Variants in ANKRD30BL observed in about 807,000 individuals in gnomAD.
ANKRD30BL encodes the protein putative ankyrin repeat domain-containing protein 30B-like.
Under a neutral mutation model 18.4 loss-of-function variants are expected in ANKRD30BL, and 20 were observed. The observed-to-expected ratio is 1.09, with a 90% CI of 0.77 to 1.58. The LOEUF (loss-of-function observed/expected upper bound fraction) is 1.58. ANKRD30BL is among the 40% of genes most tolerant of loss of function. The pLI is 0.00. For synonymous variants in ANKRD30BL, 72 were observed against 100.9 expected, an observed-to-expected ratio of 0.71 and a Z score of 1.72; for missense variants, 224 against 268.6, an observed-to-expected ratio of 0.83 and a Z score of 1.16.
At chr2:132,250,650 A>G (rs945965596) in intron 1 of ANKRD30BL, among the ~76,000 whole-genome samples, 2 of 152,216 alleles carry the variant, frequency 1.3e-5, no homozygotes, top group Admixed American at 1.3e-4. Context: ...GAAACAAAAC[A>G]CAGCTAAGGT....
At chr2:132,245,763 G>T (rs796570186) in intron 1 of ANKRD30BL, among the ~76,000 whole-genome samples, 1 of 20,618 alleles carries the variant, frequency 4.9e-5, no homozygotes, top group Non-Finnish European at 1.1e-4. Context: ...TAGCTTTGAA[G>T]ATTTCGTTGG....
chr2:132,214,583 G>T (rs1354887719), intron 1 of ANKRD30BL, among the ~76,000 whole-genome samples: 1 of 151,878 alleles, frequency 6.6e-6, no homozygotes, highest in Non-Finnish European at 1.5e-5. Flanking sequence ...CCTTCCTTTT[G>T]ATTAAGCATT....
intron 1 of ANKRD30BL, among the ~76,000 whole-genome samples, chr2:132,214,039 C>T (rs553362923): frequency 2.6e-5 from 4 of 152,190 alleles, no homozygotes; most frequent in African/African-American, 7.2e-5. Flanking sequence ...GTGATGTGTG[C>T]ATTCATCTCA....
intron 1 of ANKRD30BL, among the ~76,000 whole-genome samples, chr2:132,227,674 G>C (rs62166103): frequency 0.059 from 9,014 of 152,102 alleles, 321 homozygotes; most frequent in South Asian, 0.12. Flanking sequence ...ATCCGCTAGT[G>C]GACATTTGTA....
chr2:132,230,785 C>T lies in ANKRD30BL; in HGVS notation n.441+26744G>A, dbSNP rs796176372. On this transcript the variant is annotated intron_variant and non_coding_transcript_variant, in intron 1 of 4. Coordinates refer to the ANKRD30BL transcript ENST00000470729. The stretch of plus-strand genomic sequence containing the variant: ...AATCTGCACGTGGACATTTGGAGCA[C>T]TTTGAGGCCTATGGTGGAAAAGGAA... Among the ~76,000 whole-genome samples, 6 of 152,076 alleles carry T rather than the reference C, an allele frequency of 3.9e-5. No homozygotes were observed. The South Asian group carries it at 1.2e-3, about 32-fold the overall frequency.
At chr2:132,219,738 G>A (rs1573856680) in intron 1 of ANKRD30BL, among the ~76,000 whole-genome samples, 1 of 151,762 alleles carries the variant, frequency 6.6e-6, no homozygotes, top group African/African-American at 2.4e-5. Context: ...CCTTTTTTTT[G>A]ATAGAGCAGT....
chr2:132,151,542 A>T (rs1241049080), intron 4 of ANKRD30BL, among the ~76,000 whole-genome samples: 1 of 151,728 alleles, frequency 6.6e-6, no homozygotes, highest in African/African-American at 2.4e-5. Flanking sequence ...AGACAGGAGG[A>T]TTGCTTGAAT....
intron 1 of ANKRD30BL, among the ~76,000 whole-genome samples, chr2:132,240,829 C>T (rs776450850): frequency 1.3e-5 from 2 of 150,730 alleles, no homozygotes; most frequent in African/African-American, 4.9e-5. Flanking sequence ...AAAAAAGAAA[C>T]ACCTTCTCAT....
chr2:132,204,528 A>G (rs200050274), intron 1 of ANKRD30BL, among the ~76,000 whole-genome samples: 3,425 of 68,642 alleles, frequency 0.05, no homozygotes, highest in East Asian at 0.11. Flanking sequence ...TTTTCATTCT[A>G]GATAGAAGTT....
intron 5 of ANKRD30BL, among the ~76,000 whole-genome samples, chr2:132,149,613 T>C (rs1470335652): frequency 6.6e-6 from 1 of 152,186 alleles, no homozygotes; most frequent in Non-Finnish European, 1.5e-5. Context: ...AAAAGTATTA[T>C]TGAGATCCAA....
At chr2:132,223,045 T>C (rs113035971) in intron 1 of ANKRD30BL, among the ~76,000 whole-genome samples, 1 of 152,070 alleles carries the variant, frequency 6.6e-6, no homozygotes, top group African/African-American at 2.4e-5. Context: ...TGAAACACTC[T>C]TTTAGTAGAA....
Position 132,187,183 on chromosome 2 carries a change from TG to T in ANKRD30BL, n.442-30038del, listed in dbSNP as rs1440260155. On this transcript the variant is annotated intron_variant and non_coding_transcript_variant, in intron 1 of 4. Coordinates refer to the ANKRD30BL transcript ENST00000470729. ...GTAGGAAGTTTTTTGTTTTTTTTTT[TG>T]TTTGTTTTTTTTTTTTTTTTTTTTT... Among the ~76,000 whole-genome samples, 748 of 138,168 alleles carry T rather than the reference TG, an allele frequency of 5.4e-3. 14 individuals carry two copies. Among genetic ancestry groups the T allele is most frequent in the African/African-American group, 0.02 (673 of 33,700 alleles). 90.6% of individuals were successfully genotyped at this position (138,168 alleles called of 152,430 possible).
At chr2:132,228,191 C>T (rs564186863) in intron 1 of ANKRD30BL, among the ~76,000 whole-genome samples, 1 of 152,194 alleles carries the variant, frequency 6.6e-6, no homozygotes, top group South Asian at 2.1e-4. Flanking sequence ...TTTTGAATCT[C>T]TCTTTTTGTA....
chr2:132,228,998 T>C (rs566766495), intron 1 of ANKRD30BL, among the ~76,000 whole-genome samples: 73 of 151,966 alleles, frequency 4.8e-4, no homozygotes, highest in Admixed American at 1.8e-3. Context: ...TGTGCATTCA[T>C]CTAACGGATT....
chr2:132,220,970 C>A (rs370233376), intron 1 of ANKRD30BL, among the ~76,000 whole-genome samples: 3,268 of 147,946 alleles, frequency 0.022, 61 homozygotes, highest in African/African-American at 0.078. Context: ...CGTCTCTGCC[C>A]GGCCGCCCAT....
At chr2:132,185,165 T>A (rs1348368696) in intron 1 of ANKRD30BL, among the ~76,000 whole-genome samples, 2 of 152,162 alleles carry the variant, frequency 1.3e-5, no homozygotes, top group Admixed American at 6.5e-5. Context: ...GTTTCTCAAC[T>A]CTCCTTCTCA....
At chr2:132,183,820 G>A (rs191366838) in intron 1 of ANKRD30BL, among the ~76,000 whole-genome samples, 5 of 152,104 alleles carry the variant, frequency 3.3e-5, no homozygotes, top group Admixed American at 1.3e-4. Flanking sequence ...GCTGCTCTTC[G>A]TGGGATGTAA....
chr2:132,148,229 C>T lies in ANKRD30BL; in HGVS notation c.680-1G>A, dbSNP rs567000390. ...TCAGGTGTTCCTTCAGATGTTCCTT[C>T]TGCCAAACACAGAGTCTGGTTAAAT... On this transcript the variant is annotated splice_acceptor_variant, in intron 5 of 5. Coordinates refer to ENST00000409867, the MANE Select transcript of ANKRD30BL (RefSeq NM_001358416.1). LOFTEE classifies it high-confidence loss of function. 60 of 1,602,338 alleles carry T rather than the reference C, an allele frequency of 3.7e-5. No homozygotes were observed. The South Asian group carries it at 6.4e-4, about 17-fold the overall frequency.
intron 1 of ANKRD30BL, among the ~76,000 whole-genome samples, chr2:132,234,703 C>T (rs1680107138): frequency 6.6e-6 from 1 of 152,050 alleles, no homozygotes; most frequent in Admixed American, 6.6e-5. Flanking sequence ...CAATAGCTTA[C>T]CAACAAAAAG....
Sources: allele counts gnomAD v4.1 joint callset (sites outside exome capture counted in the v4.1 genomes callset), GRCh38; gene constraint gnomAD v4.1.1; transcripts MANE v1.5; gene names NCBI Gene and HGNC (gene_info 2026-07-23, HGNC 2026-07-21).